Variants in CAMK4 observed in about 807,000 individuals in gnomAD.
CAMK4 encodes the protein calcium/calmodulin dependent protein kinase IV, also known as calcium/calmodulin-dependent protein kinase type IV.
A neutral mutation model predicts 44.9 loss-of-function variants in CAMK4; 22 were observed. The observed-to-expected ratio is 0.49, with a 90% confidence interval of 0.35 to 0.70. CAMK4 has a LOEUF of 0.70. CAMK4 is among the 30% of genes least tolerant of loss of function. The probability of loss-of-function intolerance (pLI) is 0.01; values close to 1 mark genes in which losing one functional copy is unlikely to be tolerated. For missense variants in CAMK4, 498 were observed against 586.8 expected, an observed-to-expected ratio of 0.85 and a Z score of 1.56; for synonymous variants, 218 against 215.4, an observed-to-expected ratio of 1.01 and a Z score of -0.11.
chr5:111,282,549 A>G (rs1025084533), intron 1 of CAMK4, among the ~76,000 whole-genome samples: 8 of 152,154 alleles, frequency 5.3e-5, no homozygotes, highest in African/African-American at 1.4e-4. Context: ...TCCTGGATCA[A>G]ATTAATTTCT....
intron 5 of CAMK4, among the ~76,000 whole-genome samples, chr5:111,422,754 T>C (rs1753078239): frequency 6.6e-6 from 1 of 152,250 alleles, no homozygotes; most frequent in Admixed American, 6.5e-5. Flanking sequence ...TGTATGTATT[T>C]GTATTTGTTT....
intron 7 of CAMK4, among the ~76,000 whole-genome samples, chr5:111,456,135 T>C (rs557460825): frequency 6.6e-6 from 1 of 151,774 alleles, no homozygotes; most frequent in African/African-American, 2.4e-5. Flanking sequence ...ATTCGGGGAG[T>C]TGGTTTGAGG....
chr5:111,412,302 A>C (rs1752659372), intron 5 of CAMK4, among the ~76,000 whole-genome samples: 1 of 152,254 alleles, frequency 6.6e-6, no homozygotes, highest in Non-Finnish European at 1.5e-5. Flanking sequence ...AAACAGAGAC[A>C]GTAGTCAAGG....
intron 5 of CAMK4, among the ~76,000 whole-genome samples, chr5:111,416,279 C>G (rs1752811308): frequency 6.6e-6 from 1 of 151,852 alleles, no homozygotes; most frequent in Admixed American, 6.6e-5. Flanking sequence ...CACACACAAA[C>G]AAGACTGGAA....
At chr5:111,360,675 G>A (rs189767623) in intron 2 of CAMK4, among the ~76,000 whole-genome samples, 127 of 152,238 alleles carry the variant, frequency 8.3e-4, no homozygotes, top group Admixed American at 2.0e-3. Flanking sequence ...ATGCTGATGA[G>A]AGAGTGCTTT....
chr5:111,351,009 T>A (rs2112770680), intron 2 of CAMK4, among the ~76,000 whole-genome samples: 1 of 152,224 alleles, frequency 6.6e-6, no homozygotes, highest in East Asian at 1.9e-4. Context: ...ATTTTCAGAT[T>A]TCTCAGTTTT....
rs544191042 is a variant in CAMK4, at chr5:111,483,358, A to T, written c.981+421A>T. Among the ~76,000 whole-genome samples, 33 of 152,278 alleles carry T rather than the reference A, an allele frequency of 2.2e-4. No individual in the cohort carries two copies. In the East Asian group the frequency reaches 5.4e-3, roughly 25 times the overall value. On this transcript the variant is annotated intron_variant, in intron 10 of 10. Coordinates refer to ENST00000282356, the MANE Select transcript of CAMK4 (RefSeq NM_001744.6). ...ATAAATAATTACTTGACAAAAATTT[A>T]AAAATTTAAGTGATATAATAAATTA...
At chr5:111,371,650 A>C (rs1330693555) in intron 2 of CAMK4, among the ~76,000 whole-genome samples, 1 of 152,190 alleles carries the variant, frequency 6.6e-6, no homozygotes, top group Non-Finnish European at 1.5e-5. Context: ...ACATTCTAAA[A>C]TTTCCAGTTC....
chr5:111,377,880 C>G lies in CAMK4; in HGVS notation c.386+938C>G, dbSNP rs1751273531. On this transcript the variant is annotated intron_variant, in intron 4 of 10. Transcript: ENST00000282356. The stretch of plus-strand genomic sequence containing the variant: ...TGATGTACCCTGAGTGCCTGGATCA[C>G]AGCAAATGCTCCATAAATATTTGCT... Among the ~76,000 whole-genome samples the G allele has an allele frequency of 3.3e-5, 5 of 152,224 alleles. No homozygotes were observed. The South Asian group carries it at 1.0e-3, about 32-fold the overall frequency.
intron 1 of CAMK4, among the ~76,000 whole-genome samples, chr5:111,319,073 C>T (rs1436285509): frequency 6.6e-6 from 1 of 152,124 alleles, no homozygotes; most frequent in Non-Finnish European, 1.5e-5. Flanking sequence ...TGCAGGTCTA[C>T]TATATGAAAG....
At chr5:111,244,050 A>G (rs1749125802) in intron 1 of CAMK4, among the ~76,000 whole-genome samples, 1 of 152,188 alleles carries the variant, frequency 6.6e-6, no homozygotes, top group South Asian at 2.1e-4. Context: ...TAGTAGTAGA[A>G]ATGGAACCAG....
chr5:111,275,831 A>G (rs1750737477), intron 1 of CAMK4, among the ~76,000 whole-genome samples: 1 of 152,128 alleles, frequency 6.6e-6, no homozygotes, highest in Admixed American at 6.6e-5. Flanking sequence ...TAGATATCCC[A>G]ATTACCCTGA....
chr5:111,272,770 CAG>C (rs1347711676), intron 1 of CAMK4, among the ~76,000 whole-genome samples: 1 of 152,126 alleles, frequency 6.6e-6, no homozygotes, highest in Admixed American at 6.5e-5. Flanking sequence ...AATATTTCTG[CAG>C]TCTTGTACAT....
intron 4 of CAMK4, among the ~76,000 whole-genome samples, chr5:111,379,474 T>A (rs1454511271): frequency 1.3e-5 from 2 of 152,124 alleles, no homozygotes; most frequent in African/African-American, 4.8e-5. Flanking sequence ...AAAGATAGAC[T>A]CTTTTCCTTT....
intron 4 of CAMK4, among the ~76,000 whole-genome samples, chr5:111,381,530 T>A (rs1312978841): frequency 6.6e-6 from 1 of 152,122 alleles, no homozygotes; most frequent in Non-Finnish European, 1.5e-5. Flanking sequence ...CAGTCTAGTC[T>A]TTCCACGTTC....
intron 9 of CAMK4, chr5:111,481,939 G>T (rs1320780887): frequency 6.6e-6 from 1 of 152,166 alleles, no homozygotes; most frequent in African/African-American, 2.4e-5. Context: ...AAGAGCCTGA[G>T]GGGGTGTCCA....
intron 1 of CAMK4, among the ~76,000 whole-genome samples, chr5:111,311,651 G>A (rs1748208053): frequency 1.3e-5 from 2 of 152,138 alleles, no homozygotes; most frequent in South Asian, 4.1e-4. Flanking sequence ...AAAGTTGAAG[G>A]ATTCTTTGCT....
intron 1 of CAMK4, among the ~76,000 whole-genome samples, chr5:111,292,236 G>C (rs1391143463): frequency 6.6e-6 from 1 of 152,148 alleles, no homozygotes; most frequent in Non-Finnish European, 1.5e-5. Context: ...TAGTGTATCT[G>C]AAACAGGTTG....
chr5:111,459,443 A>G (rs906728766), intron 7 of CAMK4, among the ~76,000 whole-genome samples: 2 of 152,202 alleles, frequency 1.3e-5, no homozygotes, highest in African/African-American at 2.4e-5. Context: ...AAGAGAAGGA[A>G]GACTCCTGTT....
Sources: allele counts gnomAD v4.1 joint callset (sites outside exome capture counted in the v4.1 genomes callset), GRCh38; gene constraint gnomAD v4.1.1; transcripts MANE v1.5; gene names NCBI Gene and HGNC (gene_info 2026-07-23, HGNC 2026-07-21).